The following ST6GALNAC3 variants were observed in gnomAD, a reference collection of about 807,000 sequenced individuals.
ST6GALNAC3 encodes the protein alpha-N-acetylgalactosaminide alpha-2,6-sialyltransferase 3.
A neutral mutation model predicts 32.7 loss-of-function variants in ST6GALNAC3; 25 were observed. The ratio of observed to expected loss-of-function variants is 0.76; its 90% CI spans 0.56 to 1.07. ST6GALNAC3 has a LOEUF of 1.07. Ranked by LOEUF, ST6GALNAC3 falls within the 50% of genes least tolerant of loss-of-function variation. The pLI is 0.00. For missense variants in ST6GALNAC3, 355 were observed against 382.4 expected (o/e 0.93, Z 0.60); for synonymous variants, 129 against 133.1 (o/e 0.97, Z 0.21).
rs1421481641 is a variant in ST6GALNAC3 at position 76,111,566 on chromosome 1, C to G, written c.18+36682C>G. Among the ~76,000 whole-genome samples, 5 of 150,148 alleles carry G rather than the reference C, an allele frequency of 3.3e-5. 1 individual carries two copies. Among genetic ancestry groups the G allele is most frequent in the African/African-American group, 1.2e-4 (5 of 40,610 alleles). On this transcript the variant is annotated intron_variant, in intron 1 of 4. Transcript: ENST00000328299. ...AAGTGAACAAAGGTCTCTGGTTTTC[C>G]TAGGCAGAGGACCCTGCGGCCTTCC... is the stretch of plus-strand genomic sequence containing the variant.
intron 1 of ST6GALNAC3, among the ~76,000 whole-genome samples, chr1:76,081,190 G>C (rs531906450): frequency 1.3e-5 from 2 of 151,942 alleles, no homozygotes; most frequent in South Asian, 4.1e-4. Context: ...TGTAAAGCAG[G>C]GGTGTTCAAA....
intron 3 of ST6GALNAC3, among the ~76,000 whole-genome samples, chr1:76,427,057 A>T (rs958067132): frequency 6.6e-6 from 1 of 152,102 alleles, no homozygotes; most frequent in Non-Finnish European, 1.5e-5. Context: ...AATTTCATGC[A>T]TAGCTCAAGA....
chr1:76,351,816 A>G (rs1648999126), intron 2 of ST6GALNAC3, among the ~76,000 whole-genome samples: 2 of 152,162 alleles, frequency 1.3e-5, no homozygotes, highest in South Asian at 4.1e-4. Context: ...CACTCTAATG[A>G]TAAGTGAAAC....
chr1:76,483,933 T>TACATACGGCTAGCCAGCTTTCC (rs373306198), intron 3 of ST6GALNAC3, among the ~76,000 whole-genome samples: 4 of 152,052 alleles, frequency 2.6e-5, no homozygotes, highest in South Asian at 2.1e-4. Flanking sequence ...TTCAGCTTTC[T>TACATACGGCTAGCCAGCTTTCC]ACATACGGCT....
intron 1 of ST6GALNAC3, among the ~76,000 whole-genome samples, chr1:76,111,260 G>T (rs1203703350): frequency 1.3e-5 from 2 of 151,870 alleles, no homozygotes; most frequent in African/African-American, 4.8e-5. Flanking sequence ...CAGCTTGTAT[G>T]GAAATAAAAT....
chr1:76,220,814 T>C (rs544285279), intron 1 of ST6GALNAC3, among the ~76,000 whole-genome samples: 1 of 152,288 alleles, frequency 6.6e-6, no homozygotes, highest in South Asian at 2.1e-4. Context: ...CTCAGAGATA[T>C]TTACATGGGC....
At chr1:76,451,503 AT>A (rs1657401161) in intron 3 of ST6GALNAC3, among the ~76,000 whole-genome samples, 1 of 152,144 alleles carries the variant, frequency 6.6e-6, no homozygotes, top group Admixed American at 6.6e-5. Flanking sequence ...ATAATTCAAG[AT>A]AAGTTTTGGG....
At chr1:76,419,919 G>A (rs79777274) in intron 3 of ST6GALNAC3, among the ~76,000 whole-genome samples, 1 of 146,100 alleles carries the variant, frequency 6.8e-6, no homozygotes. Context: ...TCTTTCTTTT[G>A]TTCTTGTTTG....
intron 2 of ST6GALNAC3, chr1:76,353,695 C>T (rs1649191495): frequency 6.5e-6 from 1 of 153,224 alleles, no homozygotes; most frequent in Non-Finnish European, 1.5e-5. Flanking sequence ...AAGCTCTCAT[C>T]CTCAAAGAGT....
At chr1:76,446,278 C>T (rs913942829) in intron 3 of ST6GALNAC3, among the ~76,000 whole-genome samples, 2 of 152,106 alleles carry the variant, frequency 1.3e-5, no homozygotes, top group Non-Finnish European at 2.9e-5. Flanking sequence ...CCCCCATTAT[C>T]AACATCCATT....
chr1:76,337,019 AG>A (rs908972456), intron 2 of ST6GALNAC3, among the ~76,000 whole-genome samples: 8 of 152,202 alleles, frequency 5.3e-5, no homozygotes, highest in Non-Finnish European at 1.0e-4. Context: ...CTGACTTCAC[AG>A]GCCAAAGAGG....
chr1:76,113,367 G>A (rs895276156), intron 1 of ST6GALNAC3, among the ~76,000 whole-genome samples: 2 of 142,518 alleles, frequency 1.4e-5, no homozygotes, highest in African/African-American at 2.6e-5. Flanking sequence ...AGGGGGAGGG[G>A]GAGGCCAAAT....
At chr1:76,318,647 TAGC>T (rs1336746003) in intron 2 of ST6GALNAC3, among the ~76,000 whole-genome samples, 1 of 152,148 alleles carries the variant, frequency 6.6e-6, no homozygotes, top group Non-Finnish European at 1.5e-5. Context: ...ATTCCACCTA[TAGC>T]ATTATGGCAG....
chr1:76,569,387 A>C (rs1665734764), intron 3 of ST6GALNAC3, among the ~76,000 whole-genome samples: 1 of 152,290 alleles, frequency 6.6e-6, no homozygotes, highest in East Asian at 1.9e-4. Context: ...AACTAAGTAC[A>C]GGGGCTGCCC....
At chr1:76,279,879 A>ATCT (rs1659395479) in intron 1 of ST6GALNAC3, among the ~76,000 whole-genome samples, 1 of 152,230 alleles carries the variant, frequency 6.6e-6, no homozygotes, top group Non-Finnish European at 1.5e-5. Context: ...AACAGCGCAC[A>ATCT]GATATAGGTT....
chr1:76,396,129 A>C (rs995111208), intron 2 of ST6GALNAC3, among the ~76,000 whole-genome samples: 32 of 152,124 alleles, frequency 2.1e-4, no homozygotes, highest in African/African-American at 7.7e-4. Context: ...AAAAAGAAAA[A>C]AAGTCCCCTC....
intron 3 of ST6GALNAC3, among the ~76,000 whole-genome samples, chr1:76,561,206 G>T (rs1167217145): frequency 2.0e-5 from 3 of 152,120 alleles, no homozygotes; most frequent in Non-Finnish European, 2.9e-5. Flanking sequence ...AGGCTAGGAA[G>T]GATAGTGGGA....
At chr1:76,090,502 T>G (rs1056781919) in intron 1 of ST6GALNAC3, among the ~76,000 whole-genome samples, 2 of 152,232 alleles carry the variant, frequency 1.3e-5, no homozygotes, top group African/African-American at 4.8e-5. Context: ...CTTTTATCTG[T>G]TCTTGGCACA....
intron 1 of ST6GALNAC3, among the ~76,000 whole-genome samples, chr1:76,076,786 C>G (rs1646822132): frequency 6.6e-6 from 1 of 152,064 alleles, no homozygotes; most frequent in South Asian, 2.1e-4. Context: ...AGATAAGTAT[C>G]ATTGTTTTAA....
Sources: allele counts gnomAD v4.1 joint callset (sites outside exome capture counted in the v4.1 genomes callset), GRCh38; gene constraint gnomAD v4.1.1; transcripts MANE v1.5; gene names NCBI Gene and HGNC (gene_info 2026-07-23, HGNC 2026-07-21).